The following THSD7B variants were observed in gnomAD, a reference collection of about 807,000 sequenced individuals.
THSD7B encodes thrombospondin type-1 domain-containing protein 7B.
A neutral mutation model predicts 213.6 loss-of-function variants in THSD7B; 138 were observed. That is an observed-to-expected ratio of 0.65 (90% CI 0.56 to 0.74). The LOEUF (loss-of-function observed/expected upper bound fraction) is 0.74. Ranked by LOEUF, THSD7B falls within the 30% of genes least tolerant of loss-of-function variation. The pLI, the probability that THSD7B is intolerant of heterozygous loss-of-function variation, is 0.00. For missense variants in THSD7B, 1,931 were observed against 1,991.5 expected, an observed-to-expected ratio of 0.97 and a Z score of 0.58; for synonymous variants, 742 against 687.0, an observed-to-expected ratio of 1.08 and a Z score of -1.25.
At chr2:137,352,909 TTATATAA>T (rs1026625341) in intron 12 of THSD7B, among the ~76,000 whole-genome samples, 74 of 152,072 alleles carry the variant, frequency 4.9e-4, no homozygotes, top group African/African-American at 1.7e-3. Context: ...ATTATATATA[TTATATAA>T]TGCATTTCTA....
chr2:137,422,864 T>G (rs991461029), intron 14 of THSD7B, among the ~76,000 whole-genome samples: 41 of 152,184 alleles, frequency 2.7e-4, no homozygotes, highest in Middle Eastern at 3.4e-3. Context: ...TATTGATGAT[T>G]GAAAATGGAC....
intron 1 of THSD7B, among the ~76,000 whole-genome samples, chr2:136,866,872 G>A (rs575948281): frequency 9.9e-5 from 15 of 152,166 alleles, no homozygotes; most frequent in South Asian, 4.2e-4. Context: ...ATTTTGCAGC[G>A]TTTTGGAAGG....
At chr2:136,867,298 T>G (rs1683349103) in intron 1 of THSD7B, among the ~76,000 whole-genome samples, 1 of 152,188 alleles carries the variant, frequency 6.6e-6, no homozygotes, top group Admixed American at 6.5e-5. Context: ...CAGTGGACAT[T>G]TTGATGGACA....
chr2:137,439,408 ATAAAAT>A (rs1687354570), intron 14 of THSD7B, among the ~76,000 whole-genome samples: 1 of 152,132 alleles, frequency 6.6e-6, no homozygotes, highest in Non-Finnish European at 1.5e-5. Context: ...TTTGAAGAAC[ATAAAAT>A]TAAATAAATA....
At chr2:137,142,286 G>T (rs1384589971) in intron 5 of THSD7B, among the ~76,000 whole-genome samples, 13 of 152,070 alleles carry the variant, frequency 8.5e-5, no homozygotes, top group African/African-American at 2.9e-4. Context: ...GAGAGAATGA[G>T]CCCAGGAGAG....
At chr2:137,493,146 A>C (rs1679469133) in intron 15 of THSD7B, among the ~76,000 whole-genome samples, 2 of 150,794 alleles carry the variant, frequency 1.3e-5, no homozygotes, top group African/African-American at 2.4e-5. Context: ...AAAAAAAAAA[A>C]AACAGGAAAA....
chr2:137,225,148 C>T (rs1411088569), intron 7 of THSD7B, among the ~76,000 whole-genome samples: 5 of 152,278 alleles, frequency 3.3e-5, no homozygotes, highest in East Asian at 3.9e-4. Flanking sequence ...GCTCATCATA[C>T]ATTGTACAGT....
chr2:137,318,177 G>A (rs982774416), intron 12 of THSD7B, among the ~76,000 whole-genome samples: 3 of 152,164 alleles, frequency 2.0e-5, no homozygotes, highest in Non-Finnish European at 4.4e-5. Flanking sequence ...CTTCAAGCAT[G>A]ATTAAATCTG....
chr2:136,834,437 A>G (rs1682813360), intron 1 of THSD7B, among the ~76,000 whole-genome samples: 1 of 152,202 alleles, frequency 6.6e-6, no homozygotes, highest in African/African-American at 2.4e-5. Flanking sequence ...AAAATATGCC[A>G]TATATCTAGG....
At chr2:137,210,189 A>G (rs1681070389) in intron 7 of THSD7B, among the ~76,000 whole-genome samples, 1 of 152,092 alleles carries the variant, frequency 6.6e-6, no homozygotes, top group African/African-American at 2.4e-5. Flanking sequence ...CAAGAAAATT[A>G]ACACAGCATG....
intron 3 of THSD7B, among the ~76,000 whole-genome samples, chr2:137,073,088 T>G (rs74374409): frequency 0.047 from 6,777 of 142,980 alleles, 1 homozygote; most frequent in African/African-American, 0.094. Context: ...GTCTCTGCCA[T>G]GCTTTGGTAT....
At chr2:137,069,610 G>A (rs538240931) in intron 3 of THSD7B, among the ~76,000 whole-genome samples, 38 of 152,016 alleles carry the variant, frequency 2.5e-4, no homozygotes, top group African/African-American at 8.9e-4. Flanking sequence ...AGTGACTGAA[G>A]GATAATAAAT....
At chr2:137,323,782 T>C (rs1056637721) in intron 12 of THSD7B, among the ~76,000 whole-genome samples, 6 of 152,188 alleles carry the variant, frequency 3.9e-5, no homozygotes, top group African/African-American at 1.4e-4. Context: ...AAGATATTAA[T>C]TCCATAAATT....
chr2:137,445,503 G>A (rs112660835), intron 14 of THSD7B, among the ~76,000 whole-genome samples: 1 of 151,938 alleles, frequency 6.6e-6, no homozygotes, highest in South Asian at 2.1e-4. Flanking sequence ...AAATAAGCCA[G>A]ACACAGAAAG....
At chr2:136,876,902 C>T (rs544923122) in intron 1 of THSD7B, among the ~76,000 whole-genome samples, 2 of 152,132 alleles carry the variant, frequency 1.3e-5, no homozygotes, top group Non-Finnish European at 2.9e-5. Flanking sequence ...AGTCTGTCTC[C>T]TAACACGCTC....
chr2:137,318,786 CTTTTTTT>C (rs70978212), intron 12 of THSD7B, among the ~76,000 whole-genome samples: 8 of 73,684 alleles, frequency 1.1e-4, no homozygotes, highest in African/African-American at 4.3e-4. Flanking sequence ...GAATGCTTAT[CTTTTTTT>C]TTTTTTTTTT....
At chr2:137,117,040 C>T (rs553520881) in intron 5 of THSD7B, among the ~76,000 whole-genome samples, 1 of 152,256 alleles carries the variant, frequency 6.6e-6, no homozygotes, top group Admixed American at 6.5e-5. Context: ...AGATGTGTAA[C>T]ACGACTGTAT....
At position 137,207,453 on chromosome 2, in the gene THSD7B, G is replaced by A. The variant is rs138426580; in HGVS notation, c.1724-23591G>A. On this transcript the variant is annotated intron_variant, in intron 7 of 27. Transcript: ENST00000409968. ...AGAACTACTGAATTAGTGGATATGA[G>A]GCAACAGGTGGCAACAAATTTCTAG... Among the ~76,000 whole-genome samples, 747 of 152,188 alleles carry A rather than the reference G, an allele frequency of 4.9e-3. 4 individuals carry two copies. Among genetic ancestry groups the A allele is most frequent in the African/African-American group, 0.012 (509 of 41,538 alleles).
At chr2:136,802,639 T>TTATATGTATA (rs1553449357) in intron 1 of THSD7B, among the ~76,000 whole-genome samples, 2 of 57,362 alleles carry the variant, frequency 3.5e-5, no homozygotes, top group Non-Finnish European at 7.8e-5. Context: ...TGAATTAAGT[T>TTATATGTATA]TATATATATA....
Sources: gnomAD v4.1 joint callset for allele counts (sites outside exome capture counted in the v4.1 genomes callset) on GRCh38, gnomAD v4.1.1 for gene constraint, MANE v1.5 for transcripts, NCBI Gene and HGNC (gene_info 2026-07-23, HGNC 2026-07-21) for gene names.